The following BCAR3 variants were observed in gnomAD, a reference collection of about 807,000 sequenced individuals.
BCAR3 encodes the protein BCAR3 adaptor protein, NSP family member.
In BCAR3, 37 loss-of-function variants were observed where a neutral mutation model predicts 80.1. The ratio of observed to expected loss-of-function variants is 0.46; its 90% CI spans 0.36 to 0.61. The LOEUF is 0.61. Among genes scored for constraint, BCAR3 ranks in the 20% least tolerant of loss-of-function variants. The probability of loss-of-function intolerance (pLI) is 0.00; values close to 1 mark genes in which losing one functional copy is unlikely to be tolerated. For synonymous variants in BCAR3, 389 were observed against 418.9 expected, an observed-to-expected ratio of 0.93 and a Z score of 0.87; for missense variants, 978 against 1,068.2, an observed-to-expected ratio of 0.92 and a Z score of 1.18.
intron 2 of BCAR3, among the ~76,000 whole-genome samples, chr1:93,764,568 C>T (rs973355672): frequency 1.3e-5 from 2 of 152,132 alleles, no homozygotes; most frequent in Non-Finnish European, 2.9e-5. Context: ...CCACTCTCTT[C>T]CTGAATTGCT....
intron 2 of BCAR3, among the ~76,000 whole-genome samples, chr1:93,771,485 A>G (rs1652354546): frequency 6.6e-6 from 1 of 152,202 alleles, no homozygotes; most frequent in Admixed American, 6.5e-5. Flanking sequence ...AAAAACTACA[A>G]CAAGTTATAT....
At chr1:93,767,816 CAG>C (rs1236628905) in intron 2 of BCAR3, among the ~76,000 whole-genome samples, 2 of 151,624 alleles carry the variant, frequency 1.3e-5, no homozygotes, top group African/African-American at 2.4e-5. Context: ...TCGGGGCAAA[CAG>C]AAAATGGGTT....
At chr1:93,838,475 C>T (rs1654845506) in intron 2 of BCAR3, among the ~76,000 whole-genome samples, 1 of 152,190 alleles carries the variant, frequency 6.6e-6, no homozygotes, top group Non-Finnish European at 1.5e-5. Flanking sequence ...CAAATACCCC[C>T]CACTAGGTCT....
chr1:93,568,449 A>G (rs1031625477), intron 9 of BCAR3, among the ~76,000 whole-genome samples: 2 of 152,238 alleles, frequency 1.3e-5, no homozygotes, highest in Non-Finnish European at 2.9e-5. Context: ...ATGAGAGGAA[A>G]TAAACATGAT....
At chr1:93,652,689 T>C (rs1014308727) in intron 2 of BCAR3, among the ~76,000 whole-genome samples, 1 of 152,188 alleles carries the variant, frequency 6.6e-6, no homozygotes, top group South Asian at 2.1e-4. Flanking sequence ...GTCCTCACCC[T>C]GTGATTCCAT....
intron 3 of BCAR3, among the ~76,000 whole-genome samples, chr1:93,700,500 T>C (rs2101971958): frequency 1.3e-5 from 2 of 152,366 alleles, no homozygotes; most frequent in Admixed American, 1.3e-4. Context: ...TATTTGGACA[T>C]GCCACTGGCA....
chr1:93,778,027 CT>C (rs749623318), intron 2 of BCAR3, among the ~76,000 whole-genome samples: 3 of 152,170 alleles, frequency 2.0e-5, no homozygotes, highest in Admixed American at 6.5e-5. Context: ...CAGTGAGAGC[CT>C]TGACAAGTTG....
At chr1:93,808,510 G>A (rs1023072480) in intron 2 of BCAR3, among the ~76,000 whole-genome samples, 3 of 152,122 alleles carry the variant, frequency 2.0e-5, no homozygotes, top group African/African-American at 4.8e-5. Context: ...CAGCAAAATC[G>A]ATGTATAAAT....
chr1:93,745,765 C>T (rs559363601), intron 2 of BCAR3, among the ~76,000 whole-genome samples: 4 of 152,282 alleles, frequency 2.6e-5, no homozygotes, highest in South Asian at 4.1e-4. Flanking sequence ...TATAGCTGGG[C>T]GTGATTGCTC....
chr1:93,595,690 T>A (rs1219904315), intron 3 of BCAR3, among the ~76,000 whole-genome samples: 1 of 152,258 alleles, frequency 6.6e-6, no homozygotes, highest in East Asian at 1.9e-4. Flanking sequence ...TTTAGATAAG[T>A]ACTTTGATGG....
At chr1:93,799,326 T>C (rs1486457441) in intron 2 of BCAR3, among the ~76,000 whole-genome samples, 1 of 152,226 alleles carries the variant, frequency 6.6e-6, no homozygotes, top group Admixed American at 6.5e-5. Flanking sequence ...AGATTTTCCT[T>C]TATTTACTGA....
chr1:93,834,431 T>C (rs1654690721), intron 2 of BCAR3, among the ~76,000 whole-genome samples: 1 of 152,156 alleles, frequency 6.6e-6, no homozygotes, highest in Non-Finnish European at 1.5e-5. Context: ...TCCCCACTCC[T>C]CTTTCCATTC....
At chr1:93,754,389 G>A (rs1651678261) in intron 2 of BCAR3, 1 of 152,220 alleles carries the variant, frequency 6.6e-6, no homozygotes, top group Non-Finnish European at 1.5e-5. Context: ...GATAACAAAT[G>A]ATGAAATTAT....
intron 2 of BCAR3, among the ~76,000 whole-genome samples, chr1:93,843,505 T>C (rs1297256227): frequency 6.6e-6 from 1 of 152,234 alleles, no homozygotes; most frequent in Non-Finnish European, 1.5e-5. Context: ...GATCATGTCC[T>C]GCAAATAAAG....
intron 2 of BCAR3, among the ~76,000 whole-genome samples, chr1:93,756,438 T>C (rs1391901510): frequency 6.6e-6 from 1 of 152,220 alleles, no homozygotes; most frequent in African/African-American, 2.4e-5. Flanking sequence ...TGGTGCTTCA[T>C]GCCAGGAACC....
At chr1:93,833,987 G>T (rs1654675040) in intron 2 of BCAR3, among the ~76,000 whole-genome samples, 1 of 152,136 alleles carries the variant, frequency 6.6e-6, no homozygotes, top group Non-Finnish European at 1.5e-5. Flanking sequence ...ACAGGCGTAA[G>T]AAATTATAAA....
At chr1:93,672,330 A>T (rs558265651) in intron 2 of BCAR3, among the ~76,000 whole-genome samples, 7 of 135,380 alleles carry the variant, frequency 5.2e-5, no homozygotes, top group Non-Finnish European at 9.5e-5. Flanking sequence ...CTCCCCACCC[A>T]CCCCCCTAGT....
chr1:93,760,302 A>G (rs1221352161), intron 2 of BCAR3, among the ~76,000 whole-genome samples: 1 of 152,126 alleles, frequency 6.6e-6, no homozygotes, highest in Non-Finnish European at 1.5e-5. Context: ...AAGGTATTTG[A>G]CTTTGATCTT....
chr1:93,644,486 T>C (rs1404812246), intron 2 of BCAR3, among the ~76,000 whole-genome samples: 9 of 152,230 alleles, frequency 5.9e-5, no homozygotes, highest in Admixed American at 5.2e-4. Context: ...AATCAATGTA[T>C]TTCTTAAAAG....
Sources: gnomAD v4.1 joint callset for allele counts (sites outside exome capture counted in the v4.1 genomes callset) on GRCh38, gnomAD v4.1.1 for gene constraint, MANE v1.5 for transcripts, NCBI Gene and HGNC (gene_info 2026-07-23, HGNC 2026-07-21) for gene names.